Variants in DHRS12 observed in about 807,000 individuals in gnomAD.
The protein encoded by DHRS12 is dehydrogenase/reductase SDR family member 12.
Under a neutral mutation model 32.1 loss-of-function variants are expected in DHRS12, and 29 were observed. That is an observed-to-expected ratio of 0.90 (90% CI 0.67 to 1.23). DHRS12 has a LOEUF of 1.23. Among genes scored for constraint, DHRS12 ranks in the 50% most tolerant of loss-of-function variants. The probability of loss-of-function intolerance (pLI) is 0.00; values close to 1 mark genes in which losing one functional copy is unlikely to be tolerated. For missense variants in DHRS12, 330 were observed against 337.2 expected (o/e 0.98, Z 0.17); for synonymous variants, 150 against 135.9 (o/e 1.10, Z -0.72).
the DHRS12 span, chr13:51,760,126 A>C: frequency 4.9e-6 from 1 of 202,240 alleles, no homozygotes; most frequent in African/African-American, 2.3e-5. Context: ...TAAGGGAGGT[A>C]TCTACTCAGA....
At chr13:51,792,513 C>T (rs545642603) in intron 2 of DHRS12, among the ~76,000 whole-genome samples, 2 of 152,228 alleles carry the variant, frequency 1.3e-5, no homozygotes, top group Admixed American at 6.5e-5. Context: ...GATTCTCCTG[C>T]CTCAGCCTCC....
chr13:51,764,071 C>T (rs934468218), downstream of DHRS12: 18 of 152,162 alleles, frequency 1.2e-4, no homozygotes, highest in Admixed American at 3.9e-4. Context: ...TTTCCTGGTA[C>T]GAAGACAGAT....
At chr13:51,756,214 G>A in the DHRS12 span, 1 of 1,432,712 alleles carries the variant, frequency 7.0e-7, no homozygotes, top group South Asian at 1.4e-5. Flanking sequence ...GGGCTCTCTT[G>A]TTCAGCATCC....
At chr13:51,764,121 T>C (rs550384222), downstream of DHRS12, 2 of 152,352 alleles carry the variant, frequency 1.3e-5, no homozygotes, top group African/African-American at 4.8e-5. Flanking sequence ...ATTAAGATCA[T>C]GTTGAACACT....
intron 4 of DHRS12, among the ~76,000 whole-genome samples, chr13:51,781,358 A>G (rs1210588012): frequency 6.8e-6 from 1 of 146,830 alleles, no homozygotes; most frequent in Non-Finnish European, 1.5e-5. Context: ...CACCTTATCC[A>G]GTTCCACGCA....
Position 51,769,116 on chromosome 13 carries a change from GC to G in DHRS12, c.697+39del, listed in dbSNP as rs1220390779. The stretch of plus-strand genomic sequence containing the variant: ...CTCGAAGGCCCAGCTGCTGCCCCTA[GC>G]CCTGTGTCAGCTGCCTTCACAGCCA... On this transcript the variant is annotated intron_variant, in intron 8 of 8. Coordinates refer to ENST00000444610, the MANE Select transcript of DHRS12 (RefSeq NM_001377533.1). 15 of 1,548,406 alleles carry G rather than the reference GC, an allele frequency of 9.7e-6. No homozygotes were observed. In the African/African-American group the frequency reaches 1.8e-4, roughly 18 times the overall value.
chr13:51,780,174 C>G (rs1566286917), intron 4 of DHRS12, among the ~76,000 whole-genome samples: 1 of 145,432 alleles, frequency 6.9e-6, no homozygotes, highest in African/African-American at 2.5e-5. Context: ...GAGATTCCAT[C>G]TCAAAAATAA....
chr13:51,764,565 T>C (rs1163783690), downstream of DHRS12: 1 of 152,492 alleles, frequency 6.6e-6, no homozygotes, highest in Non-Finnish European at 1.5e-5. Flanking sequence ...ATTGAGCTCG[T>C]CACTATCAGA....
Position 51,768,103 on chromosome 13 carries a change from G to A in DHRS12, c.*84C>T, listed in dbSNP as rs1953832362. 4.6e-6 allele frequency: 7 copies of A among 1,508,616 alleles called. No individual in the cohort carries two copies. Among genetic ancestry groups the A allele is most frequent in the Non-Finnish European group, 6.2e-6 (7 of 1,133,808 alleles). The allele number at this position is 1,508,616 out of a possible 1,614,324, so 93.5% of individuals were successfully genotyped here. A position where few individuals can be genotyped will look rare whatever the true frequency, so the allele number is the denominator to read the frequency against. The stretch of plus-strand genomic sequence containing the variant: ...ACGTCTTCGAGGGGAAGTTGAAGTG[G>A]GGTCTTCTTATTCACTGGTCCCTAG... On this transcript the variant is annotated 3_prime_UTR_variant, in exon 9 of 9. Coordinates refer to ENST00000444610, the MANE Select transcript of DHRS12 (RefSeq NM_001377533.1).
chr13:51,788,553 A>G lies in DHRS12; in HGVS notation c.301+1458T>C, dbSNP rs377340685. ...CCAGGGAGATGGAGCACGTTTCCAC[A>G]GTAAATTTAGCCTGGGCGCAGTGAC... On this transcript the variant is annotated intron_variant, in intron 4 of 8. Transcript: ENST00000444610. Among the ~76,000 whole-genome samples, 21 of 152,192 alleles carry G rather than the reference A, an allele frequency of 1.4e-4. 1 individual carries two copies. The South Asian group carries it at 1.5e-3, about 11-fold the overall frequency.
chr13:51,789,107 G>C (rs1955139492), intron 4 of DHRS12, among the ~76,000 whole-genome samples: 1 of 152,090 alleles, frequency 6.6e-6, no homozygotes, highest in Non-Finnish European at 1.5e-5. Context: ...TATTCCATCG[G>C]CTTACTCAAT....
intron 8 of DHRS12, chr13:51,768,862 C>T (rs1297439229): frequency 1.5e-6 from 2 of 1,362,768 alleles, no homozygotes. Flanking sequence ...CCTCCTGGGC[C>T]TCAGCAAACT....
At chr13:51,777,377 AAG>A in intron 4 of DHRS12, 1 of 496,826 alleles carries the variant, frequency 2.0e-6, no homozygotes, top group Non-Finnish European at 3.6e-6. Flanking sequence ...GGAAGGGAAA[AAG>A]AAAACTGCCA....
Position 51,777,068 on chromosome 13 carries a change from G to A in DHRS12, c.355C>T (p.Pro119Ser), listed in dbSNP as rs1425204787. 6.2e-7 allele frequency: 1 copy of A among 1,614,084 alleles called. No homozygotes were observed. Residue 119 changes from proline to serine, a missense_variant, in exon 5 of 9, where the codon CCC (proline) becomes TCC (serine). Coordinates refer to ENST00000444610, the MANE Select transcript of DHRS12 (RefSeq NM_001377533.1). Reference protein sequence around the residue: ...LIPVLEKEHDPRVITVSSGGM... With the variant: ...LIPVLEKEHDSRVITVSSGGM... ...CCATAAGGTCAACTCACCACTCGGG[G>A]GTCGTGTTCTTTCTCCAGCACAGGG...
At chr13:51,768,740 A>T in intron 8 of DHRS12, 1 of 1,142,114 alleles carries the variant, frequency 8.8e-7, no homozygotes, top group Non-Finnish European at 1.1e-6. Flanking sequence ...CTGGGGAGAG[A>T]CGTGAACAGA....
chr13:51,787,801 T>TA (rs1955037424), intron 4 of DHRS12, among the ~76,000 whole-genome samples: 5 of 107,346 alleles, frequency 4.7e-5, no homozygotes, highest in South Asian at 5.4e-4. Context: ...TATTAATATA[T>TA]ATTTATATAT....
intron 1 of DHRS12, among the ~76,000 whole-genome samples, chr13:51,800,997 G>A (rs1955728826): frequency 1.3e-5 from 2 of 152,152 alleles, no homozygotes; most frequent in African/African-American, 4.8e-5. Flanking sequence ...AACAACCTGG[G>A]TTTAAGTCAC....
chr13:51,800,905 G>C (rs961909376), intron 1 of DHRS12, among the ~76,000 whole-genome samples: 1 of 152,234 alleles, frequency 6.6e-6, no homozygotes, highest in African/African-American at 2.4e-5. Context: ...CTTCTGCTGT[G>C]AGTGGCAAGC....
At chr13:51,770,035 A>G (rs1193900281) in intron 7 of DHRS12, among the ~76,000 whole-genome samples, 1 of 152,168 alleles carries the variant, frequency 6.6e-6, no homozygotes, top group East Asian at 1.9e-4. Context: ...CTCGAAGCCA[A>G]GGAAAGAAAA....
Sources: allele counts gnomAD v4.1 joint callset (sites outside exome capture counted in the v4.1 genomes callset), GRCh38; gene constraint gnomAD v4.1.1; transcripts MANE v1.5; gene names NCBI Gene and HGNC (gene_info 2026-07-23, HGNC 2026-07-21).